TMEM209: variants seen among roughly 807,000 people sequenced by gnomAD.
The protein encoded by TMEM209 is testicular tissue protein Li 202.
In TMEM209, 65 loss-of-function variants were observed where a neutral mutation model predicts 76.2. The observed-to-expected ratio is 0.85, with a 90% CI of 0.70 to 1.05. The LOEUF (loss-of-function observed/expected upper bound fraction) is 1.05. Ranked by LOEUF, TMEM209 falls within the 50% of genes least tolerant of loss-of-function variation. TMEM209 has a pLI of 0.00. For synonymous variants in TMEM209, 239 were observed against 237.6 expected (o/e 1.01, Z -0.06); for missense variants, 623 against 685.5 (o/e 0.91, Z 1.02).
intron 6 of TMEM209, among the ~76,000 whole-genome samples, chr7:130,191,775 T>C (rs752806922): frequency 1.2e-4 from 19 of 152,252 alleles, no homozygotes; most frequent in Non-Finnish European, 2.1e-4. Flanking sequence ...ATTACAAAGA[T>C]GTGCCAAGGA....
Position 130,173,866 on chromosome 7 carries a change from G to C in TMEM209, c.1418C>G (p.Thr473Ser). ...CTGAACAAAGTGCTGAGAAGTAAAAGTTTTTCCGTCGGGATACTTCGGATG... is the reference window on the plus strand; with the variant it reads ...CTGAACAAAGTGCTGAGAAGTAAAACTTTTTCCGTCGGGATACTTCGGATG... ...PPHPKYPDGK[T>S]FTSQHFVQTP... is the part of the protein sequence containing the mutation. Residue 473 changes from threonine (T) to serine (S), a missense_variant, in exon 12 of 15, where the codon ACT becomes AGT. Coordinates refer to ENST00000397622, the MANE Select transcript of TMEM209 (RefSeq NM_032842.4). The C allele has an allele frequency of 6.2e-7, 1 of 1,613,906 alleles. No individual in the cohort carries two copies. Among genetic ancestry groups the C allele is most frequent in the Non-Finnish European group, 8.5e-7 (1 of 1,179,814 alleles).
intron 5 of TMEM209, among the ~76,000 whole-genome samples, chr7:130,195,546 C>T (rs1797940689): frequency 1.3e-5 from 2 of 151,560 alleles, no homozygotes; most frequent in South Asian, 2.1e-4. Context: ...TTTAAATGAA[C>T]TCTTGAATAT....
At position 130,173,895 on chromosome 7, in the gene TMEM209, A is replaced by C. The variant is rs1797155360; in HGVS notation, c.1389T>G (p.Pro463=). 6.2e-7 allele frequency: 1 copy of C among 1,613,888 alleles called. No individual in the cohort carries two copies. Residue 463 remains proline, a synonymous_variant, in exon 12 of 15, where the codon CCT becomes CCG. Transcript: ENST00000397622. ...VFCTYLDSRL[P]PHPKYPDGKT... is the part of the protein sequence containing the mutation. ...TTCCGTCGGGATACTTCGGATGTGG[A>C]GGTAATCTGGAATCAAGGTAGGTGC...
chr7:130,202,794 T>G, intron 3 of TMEM209, 131 bp from the exon 4 acceptor site: 1 of 1,111,760 alleles, frequency 9.0e-7, no homozygotes, highest in Non-Finnish European at 1.2e-6. Context: ...TTAATGAATG[T>G]TATGTGTAGG....
chr7:130,177,028 CAA>C (rs5887463), intron 10 of TMEM209, among the ~76,000 whole-genome samples: 41,859 of 117,746 alleles, frequency 0.36, 7,784 homozygotes, highest in Middle Eastern at 0.48. Flanking sequence ...AGCCGGGTCT[CAA>C]AAAAAAAAAA....
chr7:130,205,191 T>G, intron 1 of TMEM209, 182 bp downstream of exon 1: 1 of 1,524,974 alleles, frequency 6.6e-7, no homozygotes, highest in South Asian at 1.2e-5. Flanking sequence ...AGAGCTTCCC[T>G]CCCCGGCTCC....
intron 10 of TMEM209, 34 bp downstream of exon 10, chr7:130,178,368 G>T (rs143637847): frequency 1.0e-5 from 16 of 1,544,200 alleles, no homozygotes; most frequent in Non-Finnish European, 1.4e-5. Context: ...TAGTAAAAAA[G>T]CTCTTATTTT....
chr7:130,173,785 T>G, intron 12 of TMEM209, 40 bp downstream of exon 12: 1 of 1,605,764 alleles, frequency 6.2e-7, no homozygotes, highest in Non-Finnish European at 8.5e-7. Flanking sequence ...AGATATTTTG[T>G]GTGAAAATCT....
rs1259690551 is a variant in TMEM209 at position 130,204,115 on chromosome 7, G to A, written c.4-5C>T. 4 of 1,591,128 alleles carry A rather than the reference G, an allele frequency of 2.5e-6. No homozygotes were observed. In the Admixed American group the frequency reaches 5.6e-5, roughly 22 times the overall value. On this transcript the variant is annotated splice_region_variant and splice_polypyrimidine_tract_variant and intron_variant, in intron 1 of 14. Transcript: ENST00000397622. The stretch of plus-strand genomic sequence containing the variant: ...AGGGTGTGCCTCCCCCTGCATCTAT[G>A]AAAAAACAAAAAGCACAGGAATTAA...
chr7:130,181,663 T>C lies in TMEM209; in HGVS notation c.1080A>G (p.Thr360=). The change falls in exon 9 of 15, where the codon ACA becomes ACG. Residue 360 remains threonine (T), a synonymous_variant. Coordinates refer to ENST00000397622, the MANE Select transcript of TMEM209 (RefSeq NM_032842.4). ...CTGGACAACCCATTCGTCTCATCTG[T>C]GTGCTGACAGACTCAATCTCTTGAA... The part of the protein sequence containing the change: ...PLVQEIESVS[T]QMRRMGCPEL... The C allele has an allele frequency of 6.2e-7, 1 of 1,612,706 alleles. No individual in the cohort carries two copies. The highest frequency in any genetic ancestry group is 1.1e-5 in the South Asian group (1 of 90,524).
intron 5 of TMEM209, among the ~76,000 whole-genome samples, chr7:130,201,279 A>C (rs1464122893): frequency 6.6e-6 from 1 of 152,022 alleles, no homozygotes; most frequent in East Asian, 1.9e-4. Flanking sequence ...TTTATGCTTC[A>C]AGAAGGAGTC....
Position 130,181,642 on chromosome 7 carries a change from A to G in TMEM209, c.1101T>C (p.Cys367=). 1 of 1,612,290 alleles carries G rather than the reference A, an allele frequency of 6.2e-7. No individual in the cohort carries two copies. The highest frequency in any genetic ancestry group is 8.5e-7 in the Non-Finnish European group (1 of 1,179,258). The change falls in exon 9 of 15, where the codon TGT becomes TGC. Residue 367 remains cysteine (C), a synonymous_variant. Coordinates refer to ENST00000397622, the MANE Select transcript of TMEM209 (RefSeq NM_032842.4). ...ACATACCTCCTATCTGTAGCTCTGG[A>G]CAACCCATTCGTCTCATCTGTGTGC... ...SVSTQMRRMG[C]PELQIGEASI...
chr7:130,188,912 A>G (rs937988287), intron 6 of TMEM209, among the ~76,000 whole-genome samples: 2 of 152,214 alleles, frequency 1.3e-5, no homozygotes, highest in Non-Finnish European at 2.9e-5. Context: ...TAACAAAATG[A>G]TCAAACAAAT....
chr7:130,202,883 G>A (rs1798269149), intron 3 of TMEM209, among the ~76,000 whole-genome samples: 1 of 152,066 alleles, frequency 6.6e-6, no homozygotes. Flanking sequence ...GAGGTCGGGA[G>A]TTTGAGACCA....
chr7:130,198,504 A>G (rs1026396799), intron 5 of TMEM209, among the ~76,000 whole-genome samples: 1 of 152,044 alleles, frequency 6.6e-6, no homozygotes, highest in Non-Finnish European at 1.5e-5. Context: ...ATAGCTGCTC[A>G]GGAGGCTAAG....
At chr7:130,198,716 T>G (rs1213787777) in intron 5 of TMEM209, among the ~76,000 whole-genome samples, 2 of 152,238 alleles carry the variant, frequency 1.3e-5, no homozygotes, top group African/African-American at 4.8e-5. Flanking sequence ...GAAGCATTCT[T>G]GTTTTCCTAA....
At chr7:130,203,704 A>G (rs1311550533) in intron 3 of TMEM209, 84 bp downstream of exon 3, 1 of 1,198,278 alleles carries the variant, frequency 8.3e-7, no homozygotes, top group African/African-American at 1.6e-5. Context: ...CTTGTTGAAT[A>G]AGGAAATGTA....
At chr7:130,204,722 T>TAAGGAAAA (rs1798368943) in intron 1 of TMEM209, among the ~76,000 whole-genome samples, 1 of 152,240 alleles carries the variant, frequency 6.6e-6, no homozygotes, top group African/African-American at 2.4e-5. Flanking sequence ...TGTCTAGAAA[T>TAAGGAAAA]ACTTTGTATT....
chr7:130,175,286 A>AC (rs1241929262), intron 11 of TMEM209: 4 of 414,450 alleles, frequency 9.7e-6, no homozygotes, highest in Non-Finnish European at 1.7e-5. Context: ...AAAAAGTGAG[A>AC]CCCCATCTCT....
Sources: gnomAD v4.1 joint callset for allele counts (sites outside exome capture counted in the v4.1 genomes callset) on GRCh38, gnomAD v4.1.1 for gene constraint, MANE v1.5 for transcripts, NCBI Gene and HGNC (gene_info 2026-07-23, HGNC 2026-07-21) for gene names.